The following GIMAP8 variants were observed in gnomAD, a reference collection of about 807,000 sequenced individuals.
The protein encoded by GIMAP8 is GTPase IMAP family member 8.
In GIMAP8, 29 loss-of-function variants were observed where a neutral mutation model predicts 35.6. That is an observed-to-expected ratio of 0.81 (90% CI 0.61 to 1.11). The LOEUF (loss-of-function observed/expected upper bound fraction) is 1.11. Ranked by LOEUF, GIMAP8 falls within the 50% of genes most tolerant of loss-of-function variation. GIMAP8 has a pLI of 0.00. For synonymous variants in GIMAP8, 335 were observed against 308.7 expected, an observed-to-expected ratio of 1.09 and a Z score of -0.89; for missense variants, 811 against 805.0, an observed-to-expected ratio of 1.01 and a Z score of -0.09.
Position 150,477,144 on chromosome 7 carries a change from C to T in GIMAP8, c.1362C>T (p.Thr454=), listed in dbSNP as rs772247999. 17 of 1,613,536 alleles carry T rather than the reference C, an allele frequency of 1.1e-5. No homozygotes were observed. The highest frequency in any genetic ancestry group is 3.3e-5 in the Admixed American group (2 of 59,988). ...GAAGCGGGACTGGGAAGAGTGCGAC[C>T]GGGAACTCTATCCTGGGGAGCCTCG... The part of the protein sequence containing the change: ...VGRSGTGKSA[T]GNSILGSLVF... The change falls in exon 5 of 5, where the codon ACC becomes ACT. Residue 454 remains threonine, a synonymous_variant. Coordinates refer to ENST00000307271, the MANE Select transcript of GIMAP8 (RefSeq NM_175571.4).
intron 1 of GIMAP8, among the ~76,000 whole-genome samples, chr7:150,464,211 A>T (rs1321091381): frequency 6.6e-6 from 1 of 152,244 alleles, no homozygotes; most frequent in African/African-American, 2.4e-5. Context: ...TAAAATGCTC[A>T]TTTACATGTA....
rs1802108155 is a variant in GIMAP8, at chr7:150,472,151, A to G, written c.682+1277A>G. ...TGTGGCTGTGAGGGCCCAGCACACC[A>G]TGGGGAGTCACAGGGCTGTCAGAAA... On this transcript the variant is annotated intron_variant, in intron 3 of 4. Transcript: ENST00000307271. This position sits in a 1 kb window ranked among gnomAD's most constrained non-coding sequence, Gnocchi z 4.1. Among the ~76,000 whole-genome samples the G allele has an allele frequency of 6.6e-6, 1 of 152,194 alleles. No homozygotes were observed. Among genetic ancestry groups the G allele is most frequent in the South Asian group, 2.1e-4 (1 of 4,828 alleles).
chr7:150,452,675 G>GATGTATATAT, intron 1 of GIMAP8, among the ~76,000 whole-genome samples: 1 of 79,658 alleles, frequency 1.3e-5, no homozygotes, highest in South Asian at 5.1e-4. Context: ...GTGTGTGTGA[G>GATGTATATAT]ATATATATAT....
chr7:150,477,053 A>T, intron 4 of GIMAP8, 39 bp from the exon 5 acceptor site: 2 of 1,493,710 alleles, frequency 1.3e-6, no homozygotes, highest in Non-Finnish European at 1.8e-6. Flanking sequence ...ATTTCAGATC[A>T]GCCCATGGTC....
chr7:150,473,902 T>A (rs1802152601), intron 3 of GIMAP8, 110 bp from the exon 4 acceptor site: 2 of 1,116,758 alleles, frequency 1.8e-6, no homozygotes, highest in African/African-American at 1.6e-5. Flanking sequence ...TGGTTTACCG[T>A]GTTGTTGCCA....
intron 1 of GIMAP8, among the ~76,000 whole-genome samples, chr7:150,465,713 T>C (rs1353233755): frequency 6.6e-6 from 1 of 152,190 alleles, no homozygotes; most frequent in Non-Finnish European, 1.5e-5. Flanking sequence ...GCAAAGAGCT[T>C]GGCACATTAG....
At chr7:150,468,615 A>C (rs1236462779) in intron 2 of GIMAP8, among the ~76,000 whole-genome samples, 1 of 152,268 alleles carries the variant, frequency 6.6e-6, no homozygotes, top group Non-Finnish European at 1.5e-5. Flanking sequence ...CAGATTGTAG[A>C]ACATATAACT....
intron 3 of GIMAP8, among the ~76,000 whole-genome samples, chr7:150,473,478 C>T (rs775050020): frequency 1.5e-4 from 23 of 149,768 alleles, no homozygotes; most frequent in South Asian, 6.5e-4. Context: ...TTGGTCTGTT[C>T]TTCAACTTCA....
At chr7:150,476,692 A>T (rs1802236348) in intron 4 of GIMAP8, among the ~76,000 whole-genome samples, 1 of 152,210 alleles carries the variant, frequency 6.6e-6, no homozygotes, top group South Asian at 2.1e-4. Context: ...TTGTAACAGG[A>T]ACAGAAGACA....
intron 3 of GIMAP8, among the ~76,000 whole-genome samples, chr7:150,473,297 A>G (rs1802136376): frequency 6.6e-6 from 1 of 152,036 alleles, no homozygotes; most frequent in African/African-American, 2.4e-5. Context: ...TACGATTTAC[A>G]CAGAGTAAAA....
chr7:150,460,394 T>C (rs1801817907), intron 1 of GIMAP8, among the ~76,000 whole-genome samples: 2 of 152,258 alleles, frequency 1.3e-5, no homozygotes, highest in South Asian at 2.1e-4. Flanking sequence ...ACCAATTTTC[T>C]AATCATGTTT....
intron 1 of GIMAP8, among the ~76,000 whole-genome samples, chr7:150,457,863 A>G (rs1331702201): frequency 6.6e-6 from 1 of 152,372 alleles, no homozygotes; most frequent in Non-Finnish European, 1.5e-5. Flanking sequence ...AGCAAGCTCC[A>G]CAGGCTCCAC....
At chr7:150,470,770 A>ATTTTT (rs1357852628) in intron 2 of GIMAP8, 59 bp from the exon 3 acceptor site, 405 of 223,854 alleles carry the variant, frequency 1.8e-3, no homozygotes, top group East Asian at 2.5e-3. Flanking sequence ...TTTTTTTTTC[A>ATTTTT]GTTTGTGGAA....
intron 2 of GIMAP8, among the ~76,000 whole-genome samples, chr7:150,469,334 G>C (rs1481854288): frequency 6.6e-6 from 1 of 152,122 alleles, no homozygotes; most frequent in Non-Finnish European, 1.5e-5. Flanking sequence ...CTGGCTCTCA[G>C]GCCTTGGAAT....
At position 150,466,829 on chromosome 7, in the gene GIMAP8, CA is replaced by C. The variant is rs1381437641; in HGVS notation, c.132del (p.Val45Ter). ...HVFKSKFSDQ[T>X]VIKMCQRESW... ...TTCAAGTCCAAGTTCAGTGATCAGA[CA>C]GTGATCAAAATGTGCCAGAGAGAGA... On this transcript the variant is annotated frameshift_variant, in exon 2 of 5. Transcript: ENST00000307271. LOFTEE classifies it high-confidence loss of function. 5.6e-6 allele frequency: 9 copies of C among 1,614,104 alleles called. No homozygotes were observed. The highest frequency in any genetic ancestry group is 7.6e-6 in the Non-Finnish European group (9 of 1,180,048).
In GIMAP8 at chr7:150,466,846, CAG is replaced by C. The variant is rs749342845; in HGVS notation, c.157_158del (p.Ser53LeufsTer12). The C allele has an allele frequency of 1.4e-5, 22 of 1,614,110 alleles. No individual in the cohort carries two copies. The African/African-American group carries it at 1.6e-4, about 12-fold the overall frequency. On this transcript the variant is annotated frameshift_variant, in exon 2 of 5. Coordinates refer to ENST00000307271, the MANE Select transcript of GIMAP8 (RefSeq NM_175571.4). LOFTEE classifies it high-confidence loss of function. Reference protein sequence around the residue: ...FSDQTVIKMCQRESWVLRERK... With the variant: ...FSDQTVIKMCXRESWVLRERK... ...TGATCAGACAGTGATCAAAATGTGC[CAG>C]AGAGAGAGTTGGGTCCTGAGAGAAA...
intron 3 of GIMAP8, among the ~76,000 whole-genome samples, chr7:150,471,675 A>G (rs537697437): frequency 6.6e-6 from 1 of 152,264 alleles, no homozygotes; most frequent in South Asian, 2.1e-4. Context: ...TGTCTCTACT[A>G]AAAATACAAA....
At chr7:150,469,184 T>A (rs973227376) in intron 2 of GIMAP8, among the ~76,000 whole-genome samples, 1 of 152,164 alleles carries the variant, frequency 6.6e-6, no homozygotes, top group Non-Finnish European at 1.5e-5. Context: ...TACACTCACA[T>A]CCACTCCTGA....
chr7:150,460,090 A>G (rs2116593234), intron 1 of GIMAP8, among the ~76,000 whole-genome samples: 1 of 152,266 alleles, frequency 6.6e-6, no homozygotes, highest in South Asian at 2.1e-4. Flanking sequence ...GATTGGCCTT[A>G]GTGAATGGAA....
Sources: gnomAD v4.1 joint callset for allele counts (sites outside exome capture counted in the v4.1 genomes callset) on GRCh38, gnomAD v4.1.1 for gene constraint, Gnocchi (gnomAD v3.1) non-coding constraint, MANE v1.5 for transcripts, NCBI Gene and HGNC (gene_info 2026-07-23, HGNC 2026-07-21) for gene names.